ATR: variants seen among roughly 807,000 people sequenced by gnomAD.
ATR encodes ATR checkpoint kinase, also known as serine/threonine-protein kinase ATR.
In ATR, 142 loss-of-function variants were observed where a neutral mutation model predicts 305.3. That is an observed-to-expected ratio of 0.47 (90% CI 0.41 to 0.53). The LOEUF (loss-of-function observed/expected upper bound fraction) is 0.53, where lower values mean the gene tolerates loss of function less well. Ranked by LOEUF, ATR falls within the 20% of genes least tolerant of loss-of-function variation. The pLI is 0.00. For missense variants in ATR, 2,135 were observed against 3,133.1 expected, an observed-to-expected ratio of 0.68 and a Z score of 7.60; for synonymous variants, 1,050 against 1,068.1, an observed-to-expected ratio of 0.98 and a Z score of 0.33.
intron 28 of ATR, among the ~76,000 whole-genome samples, chr3:142,506,546 G>A (rs3923464): frequency 0.34 from 51,906 of 151,924 alleles, 9,399 homozygotes; most frequent in Middle Eastern, 0.44. Flanking sequence ...AAATTAGCCA[G>A]GTGTGGTAGC....
intron 10 of ATR, among the ~76,000 whole-genome samples, chr3:142,555,428 C>T (rs2034631774): frequency 6.6e-6 from 1 of 152,006 alleles, no homozygotes; most frequent in Non-Finnish European, 1.5e-5. Context: ...GTATAAATCT[C>T]ATACTTCATA....
In ATR at chr3:142,449,473, T is replaced by G. The variant is rs765167556; in HGVS notation, c.7891A>C (p.Asn2631His). The G allele has an allele frequency of 1.2e-6, 2 of 1,613,226 alleles. 1 individual carries two copies. Among genetic ancestry groups the G allele is most frequent in the South Asian group, 2.2e-5 (2 of 91,064 alleles). ...HYLIQEATDE[N>H]LLCQMYLGWT... is the part of the protein sequence containing the mutation. ...CCAAGATACATCTGGCATAGTAAGT[T>G]TTCATCAGTAGCTTCCTGTATAAGG... is the stretch of plus-strand genomic sequence containing the variant. Residue 2631 changes from asparagine (N) to histidine (H), a missense_variant, in exon 47 of 47, where the codon AAC (asparagine) becomes CAC (histidine). Physicochemically the swap from Asn to His is moderately conservative, Grantham distance 68 (BLOSUM62 1). Transcript: ENST00000350721.
chr3:142,485,199 T>C lies in ATR; in HGVS notation c.6162A>G (p.Thr2054=). 2 of 1,614,210 alleles carry C rather than the reference T, an allele frequency of 1.2e-6. No individual in the cohort carries two copies. The highest frequency in any genetic ancestry group is 1.7e-6 in the Non-Finnish European group (2 of 1,180,020). ...KYYDKLMPMV[T]DNKMEKQGDL... Reference sequence around the variant, plus strand: ...CACCTTGCTTTTCCATTTTGTTGTCTGTGACCATGGGCATCAATTTGTCAT... The same window carrying C: ...CACCTTGCTTTTCCATTTTGTTGTCCGTGACCATGGGCATCAATTTGTCAT... Residue 2054 remains threonine, a synonymous_variant, in exon 36 of 47, where the codon ACA becomes ACG. Transcript: ENST00000350721.
intron 36 of ATR, among the ~76,000 whole-genome samples, chr3:142,475,995 C>A (rs2071432350): frequency 1.3e-5 from 2 of 152,102 alleles, no homozygotes; most frequent in Non-Finnish European, 2.9e-5. Context: ...TGGATATTAG[C>A]CCTTCGTCAG....
At chr3:142,565,631 T>C (rs1211940060) in intron 3 of ATR, among the ~76,000 whole-genome samples, 1 of 150,052 alleles carries the variant, frequency 6.7e-6, no homozygotes, top group East Asian at 2.0e-4. Context: ...CACAGTAGCA[T>C]GTGCCTATGG....
intron 15 of ATR, among the ~76,000 whole-genome samples, chr3:142,548,891 G>T (rs904005645): frequency 2.0e-5 from 3 of 152,150 alleles, no homozygotes; most frequent in African/African-American, 7.2e-5. Flanking sequence ...GGAAAGAGAT[G>T]TGCTGCTGGC....
In ATR at chr3:142,499,717, A is replaced by T; in HGVS notation, c.5290T>A (p.Ser1764Thr). 6.2e-7 allele frequency: 1 copy of T among 1,613,944 alleles called. No individual in the cohort carries two copies. The highest frequency in any genetic ancestry group is 8.5e-7 in the Non-Finnish European group (1 of 1,179,844). ...GTGTTTAATTCATCTGTCCACTCGG[A>T]CCTATTAAAAGAAACCCATATCAAC... The part of the protein sequence containing the change: ...TQVNGVHANR[S>T]EWTDELNTYR... Residue 1764 changes from serine (S) to threonine (T), a missense_variant and splice_region_variant, in exon 31 of 47, where the codon TCC (serine) becomes ACC (threonine). By Grantham distance (58) the Ser-to-Thr change is moderately conservative (BLOSUM62 1). Around this residue, in one of 9 missense-constraint regions of ATR, gnomAD observed 117 missense variants for 198.3 expected, o/e 0.59. Transcript: ENST00000350721.
intron 31 of ATR, chr3:142,499,308 T>C (rs2031821303): frequency 9.9e-6 from 3 of 301,570 alleles, no homozygotes; most frequent in Non-Finnish European, 1.3e-5. Context: ...TTTTTTTTTT[T>C]CTTTGAGATG....
At chr3:142,468,095 T>TA (rs1178593002) in intron 38 of ATR, 27 bp from the exon 39 acceptor site, 2 of 1,608,398 alleles carry the variant, frequency 1.2e-6, no homozygotes, top group Admixed American at 1.7e-5. Flanking sequence ...TTAAATGTCA[T>TA]AAAAAAGAGT....
chr3:142,536,891 T>C (rs947763157), intron 19 of ATR, among the ~76,000 whole-genome samples: 2 of 152,206 alleles, frequency 1.3e-5, no homozygotes, highest in South Asian at 2.1e-4. Flanking sequence ...TGAAGAATTA[T>C]AGAAAAAAAT....
intron 41 of ATR, among the ~76,000 whole-genome samples, chr3:142,464,303 T>G (rs2071082555): frequency 6.6e-6 from 1 of 152,110 alleles, no homozygotes; most frequent in South Asian, 2.1e-4. Flanking sequence ...TTTTTTTTAT[T>G]TTTTGTAGAG....
chr3:142,553,096 C>G lies in ATR; in HGVS notation c.2805+131G>C. 4.1e-6 allele frequency: 5 copies of G among 1,208,634 alleles called. No individual in the cohort carries two copies. In the South Asian group the frequency reaches 4.2e-5, roughly 10 times the overall value. The allele number at this position is 1,208,634 out of a possible 1,614,324, so 74.9% of individuals were successfully genotyped here. On this transcript the variant is annotated intron_variant, in intron 13 of 46. Coordinates refer to ENST00000350721, the MANE Select transcript of ATR (RefSeq NM_001184.4). Reference sequence around the variant, plus strand: ...AAACCTCTACATGCTGCAATATACCCCTGAACTTAAAATATAAATTGAAGA... The same window carrying G: ...AAACCTCTACATGCTGCAATATACCGCTGAACTTAAAATATAAATTGAAGA...
In ATR at chr3:142,465,227, G is replaced by A. The variant is rs2071100383; in HGVS notation, c.6911C>T (p.Ala2304Val). Residue 2304 changes from alanine to valine, a missense_variant, in exon 41 of 47, where the codon GCT (alanine) becomes GTT (valine). Physicochemically the swap from Ala to Val is moderately conservative, Grantham distance 64 (BLOSUM62 0). Coordinates refer to ENST00000350721, the MANE Select transcript of ATR (RefSeq NM_001184.4). ...AGFDDMVEIL[A>V]SLQKPKKISL... is the part of the protein sequence containing the mutation. ...AATCTTCTTTGGTTTCTGAAGAGAA[G>A]CAAGAATTTCCACCTAAAAGATGAT... 1.2e-6 allele frequency: 2 copies of A among 1,609,808 alleles called. No individual in the cohort carries two copies. The highest frequency in any genetic ancestry group is 1.7e-6 in the Non-Finnish European group (2 of 1,177,888).
At chr3:142,526,174 T>G (rs1427327189) in intron 21 of ATR, among the ~76,000 whole-genome samples, 3 of 152,204 alleles carry the variant, frequency 2.0e-5, no homozygotes, top group Admixed American at 2.0e-4. Context: ...CCACTTGTCA[T>G]ATGAAAATTA....
At chr3:142,561,570 C>T in intron 4 of ATR, 149 bp from the exon 5 acceptor site, 2 of 789,874 alleles carry the variant, frequency 2.5e-6, no homozygotes, top group Non-Finnish European at 4.0e-6. Context: ...CTAAATTGAT[C>T]TATATTATTT....
At chr3:142,450,790 G>A in intron 46 of ATR, 3 of 1,433,388 alleles carry the variant, frequency 2.1e-6, no homozygotes, top group East Asian at 2.6e-5. Context: ...TGCGTGGACA[G>A]AACATGTTCA....
intron 28 of ATR, among the ~76,000 whole-genome samples, chr3:142,506,635 C>A (rs150371872): frequency 3.3e-5 from 5 of 151,968 alleles, no homozygotes; most frequent in Non-Finnish European, 4.4e-5. Context: ...TGCAGTGAGC[C>A]GAGCTCGTGC....
chr3:142,530,662 C>T (rs982489270), intron 21 of ATR, among the ~76,000 whole-genome samples: 2 of 152,124 alleles, frequency 1.3e-5, no homozygotes, highest in East Asian at 3.9e-4. Context: ...GGATTTGGTT[C>T]ATCTCTGATT....
intron 40 of ATR, 127 bp from the exon 41 acceptor site, chr3:142,465,367 G>T (rs1227774497): frequency 2.2e-5 from 15 of 688,636 alleles, no homozygotes; most frequent in Non-Finnish European, 2.7e-5. Flanking sequence ...TAGTGAATTT[G>T]TATTTTAAAA....
Sources: allele counts gnomAD v4.1 joint callset (sites outside exome capture counted in the v4.1 genomes callset), GRCh38; gene constraint gnomAD v4.1.1; regional missense constraint gnomAD v4.1.1; transcripts MANE v1.5; gene names NCBI Gene and HGNC (gene_info 2026-07-23, HGNC 2026-07-21).